The following PLAC1 variants were observed in gnomAD, a reference collection of about 807,000 sequenced individuals.
The protein encoded by PLAC1 is placenta associated 1.
For missense variants in PLAC1, 136 were observed against 163.2 expected, an observed-to-expected ratio of 0.83 and a Z score of 0.91; for synonymous variants, 68 against 62.1, an observed-to-expected ratio of 1.09 and a Z score of -0.44.
chrX:134,693,759 C>T (rs1330890536), intron 2 of PLAC1, among the ~76,000 whole-genome samples: 2 of 111,826 alleles, frequency 1.8e-5, no homozygotes, highest in African/African-American at 6.5e-5. Context: ...TATTATTCTA[C>T]TCAACAAGTT....
chrX:134,729,155 C>A (rs1215526395), intron 2 of PLAC1, among the ~76,000 whole-genome samples: 1 of 111,979 alleles, frequency 8.9e-6, no homozygotes, highest in East Asian at 2.8e-4. Context: ...ATGCTAGGCA[C>A]ACAACAGACA....
At chrX:134,725,936 G>T (rs771034855) in intron 2 of PLAC1, among the ~76,000 whole-genome samples, 32 of 111,930 alleles carry the variant, frequency 2.9e-4, no homozygotes, top group Non-Finnish European at 2.3e-4. Context: ...GGCAGAGGTT[G>T]CAGTGAGCTG....
intron 1 of PLAC1, among the ~76,000 whole-genome samples, chrX:134,757,143 C>T (rs1225720604): frequency 1.8e-5 from 2 of 112,450 alleles, no homozygotes; most frequent in Admixed American, 9.4e-5. Flanking sequence ...CTAAAACTAT[C>T]AGATGAAAAT....
At chrX:134,756,183 A>T (rs1156964449) in intron 1 of PLAC1, among the ~76,000 whole-genome samples, 2 of 109,674 alleles carry the variant, frequency 1.8e-5, no homozygotes, top group African/African-American at 6.6e-5. Context: ...TGCCTATCTG[A>T]TTTTTGCCAT....
intron 1 of PLAC1, among the ~76,000 whole-genome samples, chrX:134,617,091 C>T (rs1383343020): frequency 2.7e-5 from 3 of 110,255 alleles, no homozygotes; most frequent in Non-Finnish European, 5.7e-5. Flanking sequence ...CGGGTTCAAG[C>T]GATTCTCGTG....
chrX:134,692,106 T>C (rs567488286), intron 2 of PLAC1, among the ~76,000 whole-genome samples: 1 of 112,053 alleles, frequency 8.9e-6, no homozygotes, highest in Non-Finnish European at 1.9e-5. Flanking sequence ...GGAAGACGGA[T>C]GGTGACAGGC....
intron 1 of PLAC1, among the ~76,000 whole-genome samples, chrX:134,629,499 T>C (rs1389998239): frequency 9.0e-6 from 1 of 111,507 alleles, no homozygotes. Flanking sequence ...ATTTGTCTCT[T>C]TCAGTTCCAT....
intron 2 of PLAC1, among the ~76,000 whole-genome samples, chrX:134,574,765 C>A (rs2077928593): frequency 9.0e-6 from 1 of 111,497 alleles, no homozygotes; most frequent in Admixed American, 9.6e-5. Context: ...CGTATCTAGA[C>A]CAAGTCCAGG....
chrX:134,663,459 C>T (rs1602889657), upstream of PLAC1, among the ~76,000 whole-genome samples: 1 of 112,827 alleles, frequency 8.9e-6, no homozygotes, highest in African/African-American at 3.2e-5. Context: ...CGCGCACGCG[C>T]GTGCACGTGT....
intron 1 of PLAC1, among the ~76,000 whole-genome samples, chrX:134,642,402 A>G (rs2078311792): frequency 9.0e-6 from 1 of 111,470 alleles, no homozygotes; most frequent in Non-Finnish European, 1.9e-5. Flanking sequence ...TTCCATTTGA[A>G]CTCCTATTGG....
At chrX:134,665,108 T>TTG (rs759708556) in intron 2 of PLAC1, among the ~76,000 whole-genome samples, 3 of 104,238 alleles carry the variant, frequency 2.9e-5, no homozygotes, top group African/African-American at 7.3e-5. Context: ...GTGAGTGTGT[T>TTG]TGTGTGTGTG....
chrX:134,748,814 T>C (rs1450212217), intron 1 of PLAC1, among the ~76,000 whole-genome samples: 1 of 111,895 alleles, frequency 8.9e-6, no homozygotes, highest in Middle Eastern at 4.2e-3. Context: ...GGCTCTAACA[T>C]CTGTTTTATT....
chrX:134,589,883 T>C (rs2078026664), intron 2 of PLAC1, among the ~76,000 whole-genome samples: 1 of 110,780 alleles, frequency 9.0e-6, no homozygotes, highest in Non-Finnish European at 1.9e-5. Flanking sequence ...ATGTTTTTCC[T>C]CTTTTGTAAG....
At chrX:134,619,689 C>G (rs894302348) in intron 1 of PLAC1, among the ~76,000 whole-genome samples, 1 of 110,269 alleles carries the variant, frequency 9.1e-6, no homozygotes, top group African/African-American at 3.3e-5. Context: ...AAAAGAAAAC[C>G]TAATTCTGTG....
intron 1 of PLAC1, among the ~76,000 whole-genome samples, chrX:134,641,413 G>A (rs2078307164): frequency 8.9e-6 from 1 of 112,325 alleles, no homozygotes; most frequent in African/African-American, 3.2e-5. Flanking sequence ...AGCACAGAGT[G>A]GGTATCCTTT....
At chrX:134,580,770 A>G (rs893657564) in intron 2 of PLAC1, among the ~76,000 whole-genome samples, 4 of 112,258 alleles carry the variant, frequency 3.6e-5, no homozygotes, top group African/African-American at 1.3e-4. Context: ...ACTTCTTGTC[A>G]GCACACAGTC....
chrX:134,762,168 A>T (rs1201324612), intron 1 of PLAC1, among the ~76,000 whole-genome samples: 1 of 105,505 alleles, frequency 9.5e-6, no homozygotes, highest in Admixed American at 1.0e-4. Flanking sequence ...CAGTCAGGTC[A>T]CATAGAACAT....
Position 134,634,343 on chromosome X carries a change from G to A in PLAC1, c.-131+23985C>T, listed in dbSNP as rs1367420736. Among the ~76,000 whole-genome samples the A allele has an allele frequency of 2.7e-5, 3 of 112,037 alleles. No homozygotes were observed. The East Asian group carries it at 8.5e-4, about 32-fold the overall frequency. On this transcript the variant is annotated intron_variant, in intron 1 of 2. Transcript: ENST00000359237. ...TCTGAGTTATGCCTGGAGGCCACAC[G>A]TTTAATGGCTTTATTGAGATCTAAA...
At chrX:134,682,110 G>A (rs2078499467) in intron 2 of PLAC1, among the ~76,000 whole-genome samples, 1 of 112,139 alleles carries the variant, frequency 8.9e-6, no homozygotes, top group Admixed American at 9.4e-5. Flanking sequence ...TCAAACTAAC[G>A]TAGACTTGCA....
Sources: allele counts gnomAD v4.1 joint callset (sites outside exome capture counted in the v4.1 genomes callset), GRCh38; gene constraint gnomAD v4.1.1; transcripts MANE v1.5; gene names NCBI Gene and HGNC (gene_info 2026-07-23, HGNC 2026-07-21).